The following IMMP2L variants were observed in gnomAD, a reference collection of about 807,000 sequenced individuals.
The protein encoded by IMMP2L is inner mitochondrial membrane peptidase subunit 2, also known as mitochondrial inner membrane protease subunit 2.
IMMP2L carries 18 observed loss-of-function variants against 19.3 expected under a neutral mutation model. The ratio of observed to expected loss-of-function variants is 0.93; its 90% CI spans 0.64 to 1.38. IMMP2L has a LOEUF of 1.38. IMMP2L is among the 40% of genes most tolerant of loss of function. The pLI is 0.00. For missense variants in IMMP2L, 233 were observed against 218.2 expected, an observed-to-expected ratio of 1.07 and a Z score of -0.43; for synonymous variants, 76 against 73.0, an observed-to-expected ratio of 1.04 and a Z score of -0.21.
chr7:111,151,439 A>C (rs1804059798), intron 3 of IMMP2L, among the ~76,000 whole-genome samples: 2 of 152,136 alleles, frequency 1.3e-5, no homozygotes, highest in South Asian at 4.1e-4. Context: ...AATTGTAATG[A>C]GAGAGGGGGA....
chr7:111,228,021 T>C (rs6949007), intron 3 of IMMP2L, among the ~76,000 whole-genome samples: 2,682 of 152,240 alleles, frequency 0.018, 77 homozygotes, highest in African/African-American at 0.058. Flanking sequence ...ACCGATTCCA[T>C]TGAAACCTAG....
intron 5 of IMMP2L, among the ~76,000 whole-genome samples, chr7:110,678,652 G>A (rs940362148): frequency 3.3e-5 from 5 of 151,950 alleles, no homozygotes; most frequent in Non-Finnish European, 4.4e-5. Context: ...ACATACAAAG[G>A]AGCCAAGTAC....
intron 3 of IMMP2L, among the ~76,000 whole-genome samples, chr7:111,104,316 CT>C (rs1798302338): frequency 6.6e-6 from 1 of 151,696 alleles, no homozygotes; most frequent in Non-Finnish European, 1.5e-5. Context: ...ATGTTTACTT[CT>C]GTAATCCACA....
At chr7:110,859,350 A>T (rs908731024) in intron 5 of IMMP2L, among the ~76,000 whole-genome samples, 21 of 152,038 alleles carry the variant, frequency 1.4e-4, no homozygotes, top group African/African-American at 4.8e-4. Context: ...TAAATGAAAA[A>T]ATGTTAGGAA....
intron 3 of IMMP2L, among the ~76,000 whole-genome samples, chr7:111,241,359 G>C (rs1163629822): frequency 6.6e-6 from 1 of 151,894 alleles, no homozygotes; most frequent in Non-Finnish European, 1.5e-5. Flanking sequence ...CATAAAGTAT[G>C]ATTTGCTTTG....
intron 3 of IMMP2L, among the ~76,000 whole-genome samples, chr7:111,465,411 T>C (rs1471652796): frequency 1.3e-5 from 2 of 149,630 alleles, no homozygotes; most frequent in African/African-American, 5.0e-5. Context: ...TGGTCCTTAA[T>C]AGTGATTTTC....
chr7:111,151,153 G>A (rs1172096819), intron 3 of IMMP2L, among the ~76,000 whole-genome samples: 1 of 152,154 alleles, frequency 6.6e-6, no homozygotes, highest in African/African-American at 2.4e-5. Context: ...ACCTGCCAGT[G>A]TACCTGAGCA....
chr7:111,516,552 A>G (rs1403319426), intron 2 of IMMP2L, among the ~76,000 whole-genome samples: 1 of 152,140 alleles, frequency 6.6e-6, no homozygotes, highest in East Asian at 1.9e-4. Context: ...TGGTATTTAA[A>G]TAACAGATAT....
Position 110,663,591 on chromosome 7 carries a change from G to T in IMMP2L, c.*11C>A, listed in dbSNP as rs1365706916. ...CCTCCCAATGCCAGCAACTCAGGTA[G>T]ATTCATGCAGTCATTCCTCTTCTCT... On this transcript the variant is annotated 3_prime_UTR_variant, in exon 6 of 6. Coordinates refer to ENST00000405709, the MANE Select transcript of IMMP2L (RefSeq NM_032549.4). 2 of 1,612,980 alleles carry T rather than the reference G, an allele frequency of 1.2e-6. No individual in the cohort carries two copies. The highest frequency in any genetic ancestry group is 8.5e-7 in the Non-Finnish European group (1 of 1,179,376).
chr7:111,188,118 C>T (rs74546485), intron 3 of IMMP2L, among the ~76,000 whole-genome samples: 8,046 of 152,034 alleles, frequency 0.053, 399 homozygotes, highest in African/African-American at 0.12. Flanking sequence ...GCCAGTCTAC[C>T]GCTCCTGCTC....
chr7:110,815,041 T>C (rs1331044356), intron 5 of IMMP2L, among the ~76,000 whole-genome samples: 1 of 151,764 alleles, frequency 6.6e-6, no homozygotes, highest in Non-Finnish European at 1.5e-5. Context: ...GCTCTAGGAG[T>C]ACAATATAAT....
intron 4 of IMMP2L, among the ~76,000 whole-genome samples, chr7:110,948,081 C>A (rs1233757245): frequency 2.0e-5 from 3 of 152,134 alleles, no homozygotes; most frequent in African/African-American, 4.8e-5. Context: ...TGAATCCCAA[C>A]CAGGAGGATG....
At chr7:111,539,257 A>C (rs961627547) in intron 1 of IMMP2L, among the ~76,000 whole-genome samples, 4 of 147,340 alleles carry the variant, frequency 2.7e-5, no homozygotes, top group Admixed American at 2.7e-4. Flanking sequence ...AAAGAAAGAA[A>C]GAAAGAAAGA....
At chr7:110,937,050 TA>T (rs1816196593) in intron 4 of IMMP2L, among the ~76,000 whole-genome samples, 1 of 151,842 alleles carries the variant, frequency 6.6e-6, no homozygotes, top group Non-Finnish European at 1.5e-5. Flanking sequence ...CCAGGGCCGG[TA>T]GGGGGTTTGA....
intron 2 of IMMP2L, among the ~76,000 whole-genome samples, chr7:111,499,500 T>C (rs952769526): frequency 5.9e-5 from 9 of 152,138 alleles, no homozygotes; most frequent in Non-Finnish European, 1.3e-4. Flanking sequence ...AAGAGGACTC[T>C]AGGGTGCAGC....
chr7:111,500,199 C>G (rs1054285845), intron 2 of IMMP2L, among the ~76,000 whole-genome samples: 16 of 152,108 alleles, frequency 1.1e-4, no homozygotes, highest in African/African-American at 3.6e-4. Flanking sequence ...CATGGAGTCT[C>G]GCTGATTGCT....
intron 3 of IMMP2L, among the ~76,000 whole-genome samples, chr7:111,432,264 C>A (rs1248632109): frequency 6.6e-6 from 1 of 151,458 alleles, no homozygotes; most frequent in Non-Finnish European, 1.5e-5. Context: ...CAGCAGTCTT[C>A]TGTGTTGATG....
rs543128714 is a variant in IMMP2L, at chr7:110,878,178, A to G, written c.408+8415T>C. 2.0e-5 allele frequency among the ~76,000 whole-genome samples: 3 copies of G among 152,264 alleles called. No homozygotes were observed. The East Asian group carries it at 5.8e-4, about 29-fold the overall frequency. ...TTCTAGAATTCTAGAGATACTCAGG[A>G]AAACACAATATTCACCACAGTTGTG... On this transcript the variant is annotated intron_variant, in intron 5 of 5. Coordinates refer to ENST00000405709, the MANE Select transcript of IMMP2L (RefSeq NM_032549.4).
intron 2 of IMMP2L, among the ~76,000 whole-genome samples, chr7:111,500,456 T>C (rs1276417648): frequency 4.0e-5 from 6 of 151,662 alleles, no homozygotes; most frequent in South Asian, 4.2e-4. Flanking sequence ...TTGAAGAGAG[T>C]AGTGGTTCTC....
Sources: allele counts gnomAD v4.1 joint callset (sites outside exome capture counted in the v4.1 genomes callset), GRCh38; gene constraint gnomAD v4.1.1; transcripts MANE v1.5; gene names NCBI Gene and HGNC (gene_info 2026-07-23, HGNC 2026-07-21).